The following SYT1 variants were observed in gnomAD, a reference collection of about 807,000 sequenced individuals.
SYT1 encodes the protein synaptotagmin 1, also known as synaptotagmin-1.
In SYT1, 8 loss-of-function variants were observed where a neutral mutation model predicts 44.8. The ratio of observed to expected loss-of-function variants is 0.18; its 90% CI spans 0.10 to 0.32. The LOEUF is 0.32. Among genes scored for constraint, SYT1 ranks in the 10% least tolerant of loss-of-function variants. The pLI is 1.00. For missense variants in SYT1, 286 were observed against 509.3 expected, an observed-to-expected ratio of 0.56 and a Z score of 4.22; for synonymous variants, 154 against 188.8, an observed-to-expected ratio of 0.82 and a Z score of 1.51.
chr12:79,354,495 G>T (rs994618543), intron 9 of SYT1, among the ~76,000 whole-genome samples: 1 of 152,090 alleles, frequency 6.6e-6, no homozygotes, highest in Non-Finnish European at 1.5e-5. Flanking sequence ...AGGCAGCATG[G>T]TGATTTTTTA....
intron 1 of SYT1, among the ~76,000 whole-genome samples, chr12:78,929,481 A>C (rs1313812231): frequency 6.8e-6 from 1 of 146,372 alleles, no homozygotes; most frequent in African/African-American, 2.5e-5. Flanking sequence ...TAAAGGTAGG[A>C]AGAATCTTTA....
At chr12:79,045,997 A>G (rs1243835062) in intron 2 of SYT1, among the ~76,000 whole-genome samples, 1 of 152,180 alleles carries the variant, frequency 6.6e-6, no homozygotes, top group Non-Finnish European at 1.5e-5. Flanking sequence ...TTGTTTTAAT[A>G]AAAAAGAAGT....
intron 3 of SYT1, among the ~76,000 whole-genome samples, chr12:79,116,503 T>G (rs887072244): frequency 5.9e-5 from 9 of 152,152 alleles, no homozygotes; most frequent in African/African-American, 2.2e-4. Context: ...TGTGTCTTAT[T>G]TCATAAGTGA....
intron 2 of SYT1, chr12:79,036,647 A>AT (rs1873154093): frequency 6.6e-6 from 1 of 151,874 alleles, no homozygotes; most frequent in East Asian, 1.9e-4. Context: ...ATGTCAGTTC[A>AT]TGCATACAAA....
At chr12:78,914,057 A>G (rs894742722) in intron 1 of SYT1, among the ~76,000 whole-genome samples, 1 of 151,928 alleles carries the variant, frequency 6.6e-6, no homozygotes, top group African/African-American at 2.4e-5. Context: ...ACTATAAATT[A>G]GATAATATAG....
chr12:79,407,745 G>A (rs12423434), intron 9 of SYT1, among the ~76,000 whole-genome samples: 20,737 of 152,010 alleles, frequency 0.14, 1,844 homozygotes, highest in Middle Eastern at 0.34. Flanking sequence ...GTAATTTGCT[G>A]TGGTTTTTGC....
At chr12:79,181,000 C>T (rs1323331431) in intron 3 of SYT1, among the ~76,000 whole-genome samples, 2 of 152,062 alleles carry the variant, frequency 1.3e-5, no homozygotes, top group Non-Finnish European at 2.9e-5. Flanking sequence ...CCCCTCTTCA[C>T]TCTGCATTCT....
chr12:79,118,292 T>C (rs1014146174), intron 3 of SYT1, among the ~76,000 whole-genome samples: 1 of 152,362 alleles, frequency 6.6e-6, no homozygotes, highest in Admixed American at 6.5e-5. Context: ...GATTTTAATA[T>C]AGAAGCTGAT....
intron 3 of SYT1, among the ~76,000 whole-genome samples, chr12:79,216,049 A>C (rs2138557102): frequency 6.9e-6 from 1 of 145,330 alleles, no homozygotes; most frequent in Non-Finnish European, 1.5e-5. Flanking sequence ...CTCCTGCCTC[A>C]GCCTCCCGAC....
At chr12:79,032,027 C>T (rs766744552) in intron 2 of SYT1, among the ~76,000 whole-genome samples, 1 of 150,902 alleles carries the variant, frequency 6.6e-6, no homozygotes, top group Non-Finnish European at 1.5e-5. Flanking sequence ...AATCAAGTAA[C>T]TTTTTTCACG....
At chr12:79,275,518 G>A (rs1400978781) in intron 4 of SYT1, among the ~76,000 whole-genome samples, 1 of 152,108 alleles carries the variant, frequency 6.6e-6, no homozygotes, top group Non-Finnish European at 1.5e-5. Context: ...GGACCGAGGT[G>A]CCTATCTGAT....
rs182675523 is a variant in SYT1, at chr12:79,384,424, A to C, written c.928+30805A>C. Among the ~76,000 whole-genome samples the C allele has an allele frequency of 2.8e-3, 431 of 152,340 alleles. 2 individuals carry two copies. Among genetic ancestry groups the C allele is most frequent in the African/African-American group, 9.9e-3 (412 of 41,582 alleles). ...AGACTATTTGAACAGTTTAGTATTA[A>C]AATAAGTGACAACTTACATTACTTA... On this transcript the variant is annotated intron_variant, in intron 9 of 10. Transcript: ENST00000261205.
intron 10 of SYT1, among the ~76,000 whole-genome samples, chr12:79,448,310 T>C (rs556330830): frequency 1.2e-4 from 19 of 152,374 alleles, no homozygotes; most frequent in Middle Eastern, 6.8e-3. Context: ...TCTTTATTAC[T>C]ACTTTTTAAC....
intron 4 of SYT1, among the ~76,000 whole-genome samples, chr12:79,230,352 G>A (rs1224115898): frequency 6.6e-6 from 1 of 151,848 alleles, no homozygotes; most frequent in Admixed American, 6.6e-5. Flanking sequence ...ATTTCATTGT[G>A]TCTTATTGTA....
chr12:78,873,645 C>G (rs1212470393), intron 1 of SYT1, among the ~76,000 whole-genome samples: 1 of 151,658 alleles, frequency 6.6e-6, no homozygotes, highest in African/African-American at 2.4e-5. Flanking sequence ...AGCTTTATCA[C>G]TAACTCTCCA....
At chr12:79,241,255 C>T (rs1300685729) in intron 4 of SYT1, among the ~76,000 whole-genome samples, 1 of 126,276 alleles carries the variant, frequency 7.9e-6, no homozygotes, top group African/African-American at 3.1e-5. Context: ...ATGATTTGCA[C>T]TGGCAACTTT....
chr12:79,114,534 C>T (rs1371512753), intron 3 of SYT1, among the ~76,000 whole-genome samples: 1 of 149,896 alleles, frequency 6.7e-6, no homozygotes, highest in Non-Finnish European at 1.5e-5. Flanking sequence ...GGTGACCCAC[C>T]TACATCATAA....
At chr12:79,399,364 A>G (rs554084106) in intron 9 of SYT1, among the ~76,000 whole-genome samples, 51 of 151,992 alleles carry the variant, frequency 3.4e-4, no homozygotes, top group African/African-American at 1.2e-3. Context: ...TATTATGATA[A>G]AAGATAACAT....
At chr12:79,216,706 C>CAAATACTTA (rs1874828006) in intron 3 of SYT1, among the ~76,000 whole-genome samples, 1 of 151,900 alleles carries the variant, frequency 6.6e-6, no homozygotes, top group Non-Finnish European at 1.5e-5. Context: ...TGGAGGTAAA[C>CAAATACTTA]AAATACTTAA....
Sources: gnomAD v4.1 joint callset for allele counts (sites outside exome capture counted in the v4.1 genomes callset) on GRCh38, gnomAD v4.1.1 for gene constraint, MANE v1.5 for transcripts, NCBI Gene and HGNC (gene_info 2026-07-23, HGNC 2026-07-21) for gene names.